The following TMCC1 variants were observed in gnomAD, a reference collection of about 807,000 sequenced individuals.
TMCC1 encodes transmembrane and coiled-coil domain family 1.
In TMCC1, 15 loss-of-function variants were observed where a neutral mutation model predicts 52.4. The observed-to-expected ratio is 0.29, with a 90% CI of 0.19 to 0.44. The LOEUF is 0.44. TMCC1 is among the 20% of genes least tolerant of loss of function. The pLI, the probability that TMCC1 is intolerant of heterozygous loss-of-function variation, is 1.00. For synonymous variants in TMCC1, 279 were observed against 301.9 expected, an observed-to-expected ratio of 0.92 and a Z score of 0.79; for missense variants, 503 against 806.0, an observed-to-expected ratio of 0.62 and a Z score of 4.55.
At chr3:129,678,359 C>CTTTTTTTT (rs71155564) in intron 4 of TMCC1, among the ~76,000 whole-genome samples, 1 of 117,202 alleles carries the variant, frequency 8.5e-6, no homozygotes, top group Admixed American at 1.1e-4. Context: ...TTGTTTAATT[C>CTTTTTTTT]TTTTTTTTTT....
At chr3:129,664,745 C>A (rs2087318242) in intron 5 of TMCC1, among the ~76,000 whole-genome samples, 1 of 152,190 alleles carries the variant, frequency 6.6e-6, no homozygotes, top group African/African-American at 2.4e-5. Flanking sequence ...GTTTTCCTAG[C>A]TCTCTCTTAT....
chr3:129,800,333 G>A (rs2057108240), intron 4 of TMCC1, among the ~76,000 whole-genome samples: 1 of 151,842 alleles, frequency 6.6e-6, no homozygotes, highest in South Asian at 2.1e-4. Flanking sequence ...ATTTTTCTTG[G>A]GTATATGTAG....
intron 4 of TMCC1, among the ~76,000 whole-genome samples, chr3:129,707,000 G>GA (rs373201371): frequency 7.5e-5 from 11 of 147,496 alleles, no homozygotes; most frequent in South Asian, 2.2e-4. Flanking sequence ...AACTGGAGGG[G>GA]AAAAAAAAAA....
intron 2 of TMCC1, among the ~76,000 whole-genome samples, chr3:129,839,869 A>C (rs904779664): frequency 2.0e-5 from 3 of 152,016 alleles, no homozygotes; most frequent in Non-Finnish European, 4.4e-5. Flanking sequence ...TGGGTGAGAG[A>C]GAGACCTTGT....
chr3:129,680,606 A>C (rs2088882864), intron 4 of TMCC1, among the ~76,000 whole-genome samples: 1 of 152,056 alleles, frequency 6.6e-6, no homozygotes, highest in Non-Finnish European at 1.5e-5. Flanking sequence ...GATTTTTACA[A>C]AGTTAGACTC....
At chr3:129,716,323 T>C (rs865936933) in intron 4 of TMCC1, among the ~76,000 whole-genome samples, 47 of 140,162 alleles carry the variant, frequency 3.4e-4, no homozygotes, top group African/African-American at 1.1e-3. Context: ...CCACTACACC[T>C]GGCAAATTTT....
intron 5 of TMCC1, among the ~76,000 whole-genome samples, chr3:129,668,435 C>T (rs184302071): frequency 9.9e-4 from 151 of 152,110 alleles, no homozygotes; most frequent in African/African-American, 3.4e-3. Context: ...GATGTGGAAA[C>T]CAAGACTTAA....
intron 4 of TMCC1, chr3:129,819,990 G>A (rs2058334244): frequency 6.6e-6 from 1 of 151,248 alleles, no homozygotes; most frequent in Non-Finnish European, 1.5e-5. Context: ...ACCCAGGAAG[G>A]CTACGGATTC....
intron 2 of TMCC1, among the ~76,000 whole-genome samples, chr3:129,870,759 CAAAAAAAAAAAAA>C (rs61673201): frequency 7.3e-3 from 78 of 10,674 alleles, no homozygotes; most frequent in African/African-American, 0.013. Flanking sequence ...GACTCCATCT[CAAAAAAAAAAAAA>C]AAAAAAAAAA....
At chr3:129,873,296 T>C (rs1484000598) in intron 2 of TMCC1, among the ~76,000 whole-genome samples, 4 of 150,706 alleles carry the variant, frequency 2.7e-5, no homozygotes, top group Non-Finnish European at 5.9e-5. Context: ...CTGGTTGTCT[T>C]AATGCAGTGT....
At chr3:129,689,079 G>A (rs970454196) in intron 4 of TMCC1, among the ~76,000 whole-genome samples, 7 of 151,948 alleles carry the variant, frequency 4.6e-5, no homozygotes, top group African/African-American at 1.7e-4. Context: ...ATTTTAGGTT[G>A]GCAAAATCAT....
intron 4 of TMCC1, among the ~76,000 whole-genome samples, chr3:129,704,796 T>TA (rs1224814039): frequency 3.9e-5 from 6 of 152,206 alleles, no homozygotes; most frequent in Non-Finnish European, 4.4e-5. Context: ...ATCAGGCTTA[T>TA]ATTAATCACA....
intron 1 of TMCC1, among the ~76,000 whole-genome samples, chr3:129,889,287 C>A (rs2061857459): frequency 6.6e-6 from 1 of 152,048 alleles, no homozygotes; most frequent in Non-Finnish European, 1.5e-5. Flanking sequence ...AACAAACAAA[C>A]AAAACCTGAC....
chr3:129,741,928 T>C (rs1036440089), intron 4 of TMCC1, among the ~76,000 whole-genome samples: 3 of 152,156 alleles, frequency 2.0e-5, no homozygotes, highest in Admixed American at 6.6e-5. Context: ...ATTCACATAA[T>C]TTATCTAGAA....
intron 4 of TMCC1, among the ~76,000 whole-genome samples, chr3:129,681,449 G>GTT (rs201262071): frequency 2.7e-5 from 4 of 146,476 alleles, no homozygotes; most frequent in Non-Finnish European, 3.0e-5. Context: ...AGTAGTCAAC[G>GTT]TTTTTTTTTT....
chr3:129,796,607 A>C (rs2056844589), intron 4 of TMCC1, among the ~76,000 whole-genome samples: 1 of 152,128 alleles, frequency 6.6e-6, no homozygotes, highest in African/African-American at 2.4e-5. Context: ...ATCACTTGAC[A>C]CCAGGAGTTC....
intron 4 of TMCC1, among the ~76,000 whole-genome samples, chr3:129,701,480 G>A (rs912879862): frequency 1.6e-4 from 24 of 152,148 alleles, no homozygotes; most frequent in Non-Finnish European, 2.5e-4. Flanking sequence ...AGTGGGTGGA[G>A]GAACGGAAAA....
At chr3:129,861,388 C>T (rs951885328) in intron 2 of TMCC1, among the ~76,000 whole-genome samples, 6 of 151,876 alleles carry the variant, frequency 4.0e-5, no homozygotes, top group Admixed American at 6.6e-5. Context: ...TTCAGTGAGC[C>T]GAGATCGCAC....
intron 4 of TMCC1, among the ~76,000 whole-genome samples, chr3:129,672,079 C>T (rs993216049): frequency 3.3e-5 from 5 of 152,170 alleles, no homozygotes; most frequent in African/African-American, 1.2e-4. Context: ...GACTCCAAAG[C>T]ACGTATACTT....
Sources: gnomAD v4.1 joint callset for allele counts (sites outside exome capture counted in the v4.1 genomes callset) on GRCh38, gnomAD v4.1.1 for gene constraint, MANE v1.5 for transcripts, NCBI Gene and HGNC (gene_info 2026-07-23, HGNC 2026-07-21) for gene names.